TRIM2: variants seen among roughly 807,000 people sequenced by gnomAD.
TRIM2 encodes the protein tripartite motif containing 2.
TRIM2 carries 20 observed loss-of-function variants against 75.2 expected under a neutral mutation model. The ratio of observed to expected loss-of-function variants is 0.27; its 90% CI spans 0.19 to 0.39. The LOEUF is 0.39. Among genes scored for constraint, TRIM2 ranks in the 10% least tolerant of loss-of-function variants. The pLI is 1.00. For missense variants in TRIM2, 660 were observed against 990.8 expected, an observed-to-expected ratio of 0.67 and a Z score of 4.48; for synonymous variants, 373 against 388.3, an observed-to-expected ratio of 0.96 and a Z score of 0.46.
chr4:153,269,667 G>A (rs934671371), intron 1 of TRIM2, among the ~76,000 whole-genome samples: 1 of 152,094 alleles, frequency 6.6e-6, no homozygotes, highest in Non-Finnish European at 1.5e-5. Context: ...TATAGTCATG[G>A]CTAAAGGCAT....
chr4:153,303,474 GAAA>G (rs575126983), intron 6 of TRIM2, among the ~76,000 whole-genome samples: 967 of 92,432 alleles, frequency 0.01, 14 homozygotes, highest in African/African-American at 0.035. Context: ...CTCCATCTCA[GAAA>G]AAAAAAAAAA....
intron 1 of TRIM2, among the ~76,000 whole-genome samples, chr4:153,207,590 T>C (rs1250005057): frequency 6.6e-6 from 1 of 152,238 alleles, no homozygotes; most frequent in Non-Finnish European, 1.5e-5. Context: ...ATTATTTTAT[T>C]ATGACTGCTA....
chr4:153,338,306 T>C lies in TRIM2; in HGVS notation c.*3340T>C. Reference sequence around the variant, plus strand: ...AAACATTAGGTAATCTGCAGATTACTTCAAATGGGAAAAATCTTTTTGTAG... The same window carrying C: ...AAACATTAGGTAATCTGCAGATTACCTCAAATGGGAAAAATCTTTTTGTAG... On this transcript the variant is annotated 3_prime_UTR_variant, in exon 12 of 12. Transcript: ENST00000338700. The C allele has an allele frequency of 1.0e-6, 1 of 985,830 alleles. No homozygotes were observed. Among genetic ancestry groups the C allele is most frequent in the Non-Finnish European group, 1.2e-6 (1 of 829,916 alleles). 61.1% of individuals were successfully genotyped at this position (985,830 alleles called of 1,614,324 possible). A position where few individuals can be genotyped will look rare whatever the true frequency, so the allele number is the denominator to read the frequency against.
chr4:153,211,919 G>A (rs182659028), intron 1 of TRIM2, among the ~76,000 whole-genome samples: 249 of 152,288 alleles, frequency 1.6e-3, no homozygotes, highest in African/African-American at 5.8e-3. Flanking sequence ...TCTGTGAGAA[G>A]GCTGTCTCCC....
chr4:153,302,436 G>A (rs954408507), intron 6 of TRIM2, among the ~76,000 whole-genome samples: 1 of 152,172 alleles, frequency 6.6e-6, no homozygotes, highest in African/African-American at 2.4e-5. Flanking sequence ...GATGATAGAT[G>A]TATGAGCAAC....
At position 153,338,990 on chromosome 4, in the gene TRIM2, T is replaced by C; in HGVS notation, c.*4024T>C. ...TGCTTTGTTTTCTTTTTAGATTTTG[T>C]ACATTCCATCTTTATAGGTCTGTTT... On this transcript the variant is annotated 3_prime_UTR_variant, in exon 12 of 12. Transcript: ENST00000338700. 1 of 985,562 alleles carries C rather than the reference T, an allele frequency of 1.0e-6. No homozygotes were observed. Among genetic ancestry groups the C allele is most frequent in the South Asian group, 4.7e-5 (1 of 21,278 alleles). 61.1% of individuals were successfully genotyped at this position (985,562 alleles called of 1,614,324 possible).
At chr4:153,228,581 A>G (rs540833658) in intron 1 of TRIM2, among the ~76,000 whole-genome samples, 4 of 152,384 alleles carry the variant, frequency 2.6e-5, no homozygotes, top group African/African-American at 9.6e-5. Context: ...TTCAACAGTT[A>G]CAGAATATGG....
chr4:153,289,699 T>G (rs533059665), intron 3 of TRIM2, among the ~76,000 whole-genome samples: 2 of 152,336 alleles, frequency 1.3e-5, no homozygotes, highest in South Asian at 4.1e-4. Flanking sequence ...CTAAATGCAA[T>G]GTGCACACTG....
intron 1 of TRIM2, among the ~76,000 whole-genome samples, chr4:153,233,834 T>C (rs922147667): frequency 6.6e-6 from 1 of 152,204 alleles, no homozygotes; most frequent in Non-Finnish European, 1.5e-5. Context: ...CATTTCCTGC[T>C]GAGAGAGATG....
At chr4:153,211,949 C>A (rs1737144618) in intron 1 of TRIM2, among the ~76,000 whole-genome samples, 1 of 152,174 alleles carries the variant, frequency 6.6e-6, no homozygotes, top group Non-Finnish European at 1.5e-5. Context: ...TGTTACTGCA[C>A]ATCTTTTCCC....
chr4:153,317,403 C>T (rs1423105861), intron 8 of TRIM2, among the ~76,000 whole-genome samples: 5 of 151,546 alleles, frequency 3.3e-5, no homozygotes, highest in Non-Finnish European at 7.4e-5. Context: ...AATCCCAGCA[C>T]TTTGGGAGGC....
chr4:153,166,724 C>A (rs552222197), intron 1 of TRIM2, among the ~76,000 whole-genome samples: 1 of 152,050 alleles, frequency 6.6e-6, no homozygotes, highest in Non-Finnish European at 1.5e-5. Context: ...ATGTATTTTT[C>A]TTTAATGGGA....
intron 1 of TRIM2, among the ~76,000 whole-genome samples, chr4:153,195,964 T>C (rs907498213): frequency 1.8e-4 from 28 of 152,164 alleles, no homozygotes; most frequent in African/African-American, 6.8e-4. Flanking sequence ...CGTGCACCAT[T>C]ATGCCTGGCT....
chr4:153,304,677 A>G (rs1334149642), intron 6 of TRIM2, among the ~76,000 whole-genome samples: 1 of 152,138 alleles, frequency 6.6e-6, no homozygotes, highest in Non-Finnish European at 1.5e-5. Flanking sequence ...TGGTCCATAA[A>G]CCACATGCAC....
At chr4:153,184,974 G>A (rs527993993) in intron 1 of TRIM2, among the ~76,000 whole-genome samples, 11 of 152,192 alleles carry the variant, frequency 7.2e-5, no homozygotes, top group African/African-American at 2.4e-4. Context: ...TTCCCTGTGG[G>A]GAATGCCATT....
At chr4:153,300,992 A>G (rs1222434714) in intron 6 of TRIM2, among the ~76,000 whole-genome samples, 1 of 151,824 alleles carries the variant, frequency 6.6e-6, no homozygotes, top group East Asian at 1.9e-4. Flanking sequence ...GGAGTTTGAG[A>G]CTAGCCTAGC....
chr4:153,182,136 AG>A (rs139909971), intron 1 of TRIM2, among the ~76,000 whole-genome samples: 6,707 of 152,250 alleles, frequency 0.044, 192 homozygotes, highest in South Asian at 0.061. Context: ...GATGTGGTAG[AG>A]GGGAGGTGAG....
intron 1 of TRIM2, among the ~76,000 whole-genome samples, chr4:153,260,223 C>T (rs912145310): frequency 6.6e-6 from 1 of 151,996 alleles, no homozygotes; most frequent in African/African-American, 2.4e-5. Context: ...TTTGTGGTCC[C>T]AGAATACTTA....
chr4:153,331,148 A>G (rs996881209), intron 11 of TRIM2, among the ~76,000 whole-genome samples: 1 of 152,044 alleles, frequency 6.6e-6, no homozygotes, highest in Non-Finnish European at 1.5e-5. Context: ...ACAGGACGAC[A>G]CTATCTCTAC....
Sources: gnomAD v4.1 joint callset for allele counts (sites outside exome capture counted in the v4.1 genomes callset) on GRCh38, gnomAD v4.1.1 for gene constraint, MANE v1.5 for transcripts, NCBI Gene and HGNC (gene_info 2026-07-23, HGNC 2026-07-21) for gene names.